C1orf167: variants seen among roughly 807,000 people sequenced by gnomAD.
The protein encoded by C1orf167 is uncharacterized protein C1orf167.
C1orf167 carries 153 observed loss-of-function variants against 176.5 expected under a neutral mutation model. The observed-to-expected ratio is 0.87, with a 90% CI of 0.76 to 0.99. The LOEUF (loss-of-function observed/expected upper bound fraction) is 0.99, where lower values mean the gene tolerates loss of function less well. Ranked by LOEUF, C1orf167 falls within the 50% of genes least tolerant of loss-of-function variation. The pLI, the probability that C1orf167 is intolerant of heterozygous loss-of-function variation, is 0.00. For synonymous variants in C1orf167, 594 were observed against 752.7 expected, an observed-to-expected ratio of 0.79 and a Z score of 3.45; for missense variants, 1,490 against 1,817.7, an observed-to-expected ratio of 0.82 and a Z score of 3.28.
Position 11,768,873 on chromosome 1 carries a change from C to A in C1orf167, c.1543-100C>A. On this transcript the variant is annotated intron_variant, in intron 5 of 20. Coordinates refer to ENST00000688073, the MANE Select transcript of C1orf167 (RefSeq NM_001010881.2). This position sits in a 1 kb window ranked among gnomAD's most constrained non-coding sequence, Gnocchi z 4.5. ...TGGTTAAGACCACAGGCTGTGGAAT[C>A]TGATAGGCATGTGTTACTCCTGTCC... The A allele has an allele frequency of 1.2e-6, 1 of 826,048 alleles. No homozygotes were observed. Among genetic ancestry groups the A allele is most frequent in the Non-Finnish European group, 1.5e-6 (1 of 684,358 alleles). 51.2% of individuals were successfully genotyped at this position (826,048 alleles called of 1,614,324 possible). A position where few individuals can be genotyped will look rare whatever the true frequency, so the allele number is the denominator to read the frequency against.
intron 10 of C1orf167, among the ~76,000 whole-genome samples, 179 bp downstream of exon 10, chr1:11,776,817 A>G (rs1643340501): frequency 1.3e-5 from 2 of 152,162 alleles, no homozygotes; most frequent in Non-Finnish European, 2.9e-5. Flanking sequence ...AGCCAATGTC[A>G]GGCCCTGGGA....
rs183024635 is a variant in C1orf167, at chr1:11,766,494, C to T, written c.708C>T (p.Ala236=). 122 of 1,282,358 alleles carry T rather than the reference C, an allele frequency of 9.5e-5. 2 individuals are homozygous for T. In the East Asian group the frequency reaches 4.9e-3, roughly 52 times the overall value. 79.4% of individuals were successfully genotyped at this position (1,282,358 alleles called of 1,614,324 possible). A position where few individuals can be genotyped will look rare whatever the true frequency, so the allele number is the denominator to read the frequency against. ...QNQTQAPSRA[A]VHQLLASVHC... The stretch of plus-strand genomic sequence containing the variant: ...AGACTCAGGCCCCATCCCGTGCTGC[C>T]GTCCACCAGCTGCTGGCTTCTGTAC... Residue 236 remains alanine, a synonymous_variant, in exon 3 of 21, where the codon GCC becomes GCT. Transcript: ENST00000688073. This position sits in a 1 kb window ranked among gnomAD's most constrained non-coding sequence, Gnocchi z 4.5.
At position 11,784,249 on chromosome 1, in the gene C1orf167, C is replaced by A. The variant is rs1213866866; in HGVS notation, c.3081C>A (p.Gly1027=). 1 of 1,299,364 alleles carries A rather than the reference C, an allele frequency of 7.7e-7. No homozygotes were observed. Among genetic ancestry groups the A allele is most frequent in the East Asian group, 5.6e-5 (1 of 17,970 alleles). 80.5% of individuals were successfully genotyped at this position (1,299,364 alleles called of 1,614,324 possible). A position where few individuals can be genotyped will look rare whatever the true frequency, so the allele number is the denominator to read the frequency against. The stretch of plus-strand genomic sequence containing the variant: ...CCCAGCATCAAGCCTTTCAGGATGG[C>A]CTGAGGAGAAGAGCACTGGGGGCCG... ...LRAQHQAFQD[G]LRRRALGAVF... The change falls in exon 15 of 21, where the codon GGC becomes GGA. Residue 1027 remains glycine (G), a synonymous_variant. Transcript: ENST00000688073.
intron 4 of C1orf167, among the ~76,000 whole-genome samples, chr1:11,767,863 C>A (rs1480477942): frequency 6.6e-6 from 1 of 152,122 alleles, no homozygotes; most frequent in Non-Finnish European, 1.5e-5. Context: ...AGAGGGCATT[C>A]TCCCACCCCC....
intron 8 of C1orf167, among the ~76,000 whole-genome samples, chr1:11,772,603 T>C (rs1643133891): frequency 6.6e-6 from 1 of 152,110 alleles, no homozygotes; most frequent in African/African-American, 2.4e-5. Context: ...ACTCCTAGTA[T>C]TGAGAGGCAA....
At chr1:11,779,766 A>G (rs781752139) in intron 12 of C1orf167, 36 bp from the exon 13 acceptor site, 1 of 1,272,526 alleles carries the variant, frequency 7.9e-7, no homozygotes, top group Non-Finnish European at 1.0e-6. Flanking sequence ...TTTGGGGGAC[A>G]GTGGCCATCC....
Position 11,788,712 on chromosome 1 carries a change from C to T in C1orf167, c.4139C>T (p.Ala1380Val), listed in dbSNP as rs910680005. 46 of 1,304,100 alleles carry T rather than the reference C, an allele frequency of 3.5e-5. No individual in the cohort carries two copies. The highest frequency in any genetic ancestry group is 7.4e-5 in the South Asian group (6 of 81,036). The allele number at this position is 1,304,100 out of a possible 1,614,324, so 80.8% of individuals were successfully genotyped here. ...GTGGTGGCAGCGGATCCTGCGACTG[C>T]GAGTGGCTCAGCAGTTACAGCAGCA... ...ADVVAADPAT[A>V]SGSAVTAAGR... The change falls in exon 20 of 21, where the codon GCG (alanine) becomes GTG (valine). Residue 1380 changes from alanine to valine, a missense_variant. Ala to Val is a moderately conservative substitution (Grantham distance 64). Transcript: ENST00000688073.
intron 15 of C1orf167, 76 bp downstream of exon 15, chr1:11,784,669 G>A (rs1643759405): frequency 1.7e-6 from 2 of 1,185,674 alleles, no homozygotes; most frequent in South Asian, 1.6e-5. Context: ...GGCAGGGGTA[G>A]AGCGTAATTC....
At chr1:11,776,359 G>A (rs1369083386) in intron 9 of C1orf167, 105 bp from the exon 10 acceptor site, 1 of 1,057,036 alleles carries the variant, frequency 9.5e-7, no homozygotes, top group Non-Finnish European at 1.2e-6. Context: ...GACGGGACAA[G>A]AGGGGAGAGC....
At chr1:11,762,967 G>A (rs1192467609) in intron 1 of C1orf167, among the ~76,000 whole-genome samples, 1 of 152,224 alleles carries the variant, frequency 6.6e-6, no homozygotes, top group Non-Finnish European at 1.5e-5. Flanking sequence ...CAGTGGGCAG[G>A]GAGGGCTCAC....
intron 16 of C1orf167, 156 bp from the exon 17 acceptor site, chr1:11,787,232 C>A (rs553174802): frequency 3.7e-5 from 11 of 296,752 alleles, no homozygotes; most frequent in South Asian, 5.8e-5. Context: ...CTATTATGGG[C>A]CCACCCCATT....
chr1:11,787,296 C>T, intron 16 of C1orf167, 92 bp from the exon 17 acceptor site: 1 of 685,560 alleles, frequency 1.5e-6, no homozygotes, highest in Non-Finnish European at 2.1e-6. Context: ...CGGGATGTGT[C>T]CTGCCAGCTA....
At position 11,782,185 on chromosome 1, in the gene C1orf167, C is replaced by T. The variant is rs1421098615; in HGVS notation, c.2861-4C>T. The T allele has an allele frequency of 4.7e-6, 6 of 1,273,126 alleles. No individual in the cohort carries two copies. In the South Asian group the frequency reaches 6.7e-5, roughly 14 times the overall value. 78.9% of individuals were successfully genotyped at this position (1,273,126 alleles called of 1,614,324 possible). ...GTGGCTCTTCAGCATCTCTCTGGCC[C>T]CAGGGCAGCAGTTCCTGCATGAAAA... On this transcript the variant is annotated splice_region_variant and splice_polypyrimidine_tract_variant and intron_variant, in intron 13 of 20. Transcript: ENST00000688073.
intron 10 of C1orf167, chr1:11,777,824 A>T (rs1570411017): frequency 6.6e-6 from 1 of 152,124 alleles, no homozygotes; most frequent in Non-Finnish European, 1.5e-5. Context: ...CTCCCTCTCC[A>T]GCCCATCCTC....
At position 11,780,999 on chromosome 1, in the gene C1orf167, C is replaced by CTTTTTT. The variant is rs386366239; in HGVS notation, c.2860+1006_2860+1011dup. ...AGAGCTGTTGCATGGCCCAACCAGT[C>CTTTTTT]TTTTTTTTTTTTTTTTTTTTTTGAG... On this transcript the variant is annotated intron_variant, in intron 13 of 20. Coordinates refer to ENST00000688073, the MANE Select transcript of C1orf167 (RefSeq NM_001010881.2). Among the ~76,000 whole-genome samples the CTTTTTT allele has an allele frequency of 1.3e-3, 122 of 92,770 alleles. 7 individuals carry two copies. The highest frequency in any genetic ancestry group is 1.6e-3 in the Admixed American group (11 of 6,670). The allele number at this position is 92,770 out of a possible 152,430, so 60.9% of individuals were successfully genotyped here. A position where few individuals can be genotyped will look rare whatever the true frequency, so the allele number is the denominator to read the frequency against.
At position 11,771,083 on chromosome 1, in the gene C1orf167, T is replaced by A. The variant is rs1243493166; in HGVS notation, c.1698-441T>A. Among the ~76,000 whole-genome samples, 96 of 118,152 alleles carry A rather than the reference T, an allele frequency of 8.1e-4. 1 individual carries two copies. The South Asian group carries it at 0.016, about 20-fold the overall frequency. 77.5% of individuals were successfully genotyped at this position (118,152 alleles called of 152,430 possible). A position where few individuals can be genotyped will look rare whatever the true frequency, so the allele number is the denominator to read the frequency against. ...TATATATATATATTTTTTTTTTTTT[T>A]TTTTTTTTTTTTTGTAGTAGAGACG... On this transcript the variant is annotated intron_variant, in intron 6 of 20. Transcript: ENST00000688073.
intron 12 of C1orf167, 178 bp downstream of exon 12, chr1:11,779,258 A>C: frequency 2.2e-6 from 1 of 450,294 alleles, no homozygotes; most frequent in Non-Finnish European, 3.4e-6. Flanking sequence ...GTGGTGAGGC[A>C]CTCTACAGAG....
rs1292717913 is a variant in C1orf167 at position 11,762,557 on chromosome 1, G to C, written c.-71+252G>C. On this transcript the variant is annotated intron_variant, in intron 1 of 20. Transcript: ENST00000688073. ...AAGAGGGGATGGTGGGGTGTTCTTG[G>C]TTAGGAGTCTGCGCTGTGGAGCCAG... is the stretch of plus-strand genomic sequence containing the variant. 2.6e-5 allele frequency among the ~76,000 whole-genome samples: 4 copies of C among 152,198 alleles called. No homozygotes were observed. In the South Asian group the frequency reaches 8.3e-4, roughly 32 times the overall value.
intron 13 of C1orf167, among the ~76,000 whole-genome samples, chr1:11,781,685 C>T (rs902151912): frequency 9.2e-5 from 14 of 152,058 alleles, no homozygotes; most frequent in African/African-American, 2.7e-4. Context: ...CCCGGACTGG[C>T]GGATCACGAG....
Sources: allele counts gnomAD v4.1 joint callset (sites outside exome capture counted in the v4.1 genomes callset), GRCh38; gene constraint gnomAD v4.1.1; non-coding constraint Gnocchi (gnomAD v3.1); transcripts MANE v1.5; gene names NCBI Gene and HGNC (gene_info 2026-07-23, HGNC 2026-07-21).